The following GPC5 variants were observed in gnomAD, a reference collection of about 807,000 sequenced individuals.
The protein encoded by GPC5 is glypican-5.
In GPC5, 47 loss-of-function variants were observed where a neutral mutation model predicts 53.9. The ratio of observed to expected loss-of-function variants is 0.87; its 90% CI spans 0.69 to 1.11. GPC5 has a LOEUF of 1.11. GPC5 is among the 50% of genes most tolerant of loss of function. The probability of loss-of-function intolerance (pLI) is 0.00; values close to 1 mark genes in which losing one functional copy is unlikely to be tolerated. For synonymous variants in GPC5, 286 were observed against 263.3 expected, an observed-to-expected ratio of 1.09 and a Z score of -0.84; for missense variants, 748 against 713.1, an observed-to-expected ratio of 1.05 and a Z score of -0.56.
chr13:92,092,193 A>G (rs1371523801), intron 6 of GPC5, among the ~76,000 whole-genome samples: 1 of 152,158 alleles, frequency 6.6e-6, no homozygotes. Context: ...CTCTCTGCAT[A>G]CCTCTTATGC....
chr13:91,579,070 T>A (rs141852300), intron 2 of GPC5, among the ~76,000 whole-genome samples: 1 of 152,062 alleles, frequency 6.6e-6, no homozygotes, highest in African/African-American at 2.4e-5. Flanking sequence ...AATTAATAAA[T>A]TTTAAAGGTT....
chr13:92,837,335 T>G (rs1276497941), intron 7 of GPC5, among the ~76,000 whole-genome samples: 2 of 152,080 alleles, frequency 1.3e-5, no homozygotes, highest in African/African-American at 2.4e-5. Flanking sequence ...GAAATCAAAT[T>G]AGCAAGCACC....
chr13:92,753,937 C>A (rs1451543440), intron 7 of GPC5, among the ~76,000 whole-genome samples: 1 of 152,156 alleles, frequency 6.6e-6, no homozygotes, highest in African/African-American at 2.4e-5. Flanking sequence ...CTTCCCCAAT[C>A]TAGCAAGCAG....
intron 7 of GPC5, among the ~76,000 whole-genome samples, chr13:92,830,036 AC>A (rs1257916731): frequency 6.6e-6 from 1 of 152,146 alleles, no homozygotes; most frequent in East Asian, 1.9e-4. Flanking sequence ...AATGTCAAAA[AC>A]AAGTCAAGAA....
intron 7 of GPC5, among the ~76,000 whole-genome samples, chr13:92,146,547 G>A (rs1391102345): frequency 6.6e-6 from 1 of 152,046 alleles, no homozygotes; most frequent in East Asian, 1.9e-4. Flanking sequence ...GGGAAAACAG[G>A]TAATGTTTGG....
At chr13:91,499,458 A>G (rs749317784) in intron 2 of GPC5, among the ~76,000 whole-genome samples, 1 of 152,220 alleles carries the variant, frequency 6.6e-6, no homozygotes, top group Non-Finnish European at 1.5e-5. Context: ...TAATTCTCCA[A>G]ATACATCTTA....
chr13:92,847,047 T>C (rs755145221), intron 7 of GPC5, among the ~76,000 whole-genome samples: 15 of 152,104 alleles, frequency 9.9e-5, no homozygotes, highest in Non-Finnish European at 1.6e-4. Flanking sequence ...TCTTATTCCA[T>C]TGTGTAGTAT....
chr13:92,303,138 C>G (rs969149018), intron 7 of GPC5, among the ~76,000 whole-genome samples: 4 of 151,730 alleles, frequency 2.6e-5, no homozygotes, highest in Non-Finnish European at 5.9e-5. Flanking sequence ...TGTACAGGTA[C>G]CAGAATAGGT....
intron 2 of GPC5, among the ~76,000 whole-genome samples, chr13:91,563,470 T>C (rs2031380313): frequency 6.6e-6 from 1 of 152,184 alleles, no homozygotes; most frequent in Non-Finnish European, 1.5e-5. Flanking sequence ...ACATTTCATA[T>C]CTTAGACATC....
At chr13:91,936,206 C>A (rs1203193220) in intron 6 of GPC5, among the ~76,000 whole-genome samples, 1 of 152,008 alleles carries the variant, frequency 6.6e-6, no homozygotes, top group Non-Finnish European at 1.5e-5. Context: ...AACCAATAAA[C>A]CTAGGTCACA....
chr13:92,522,102 A>G (rs1157305628), intron 7 of GPC5, among the ~76,000 whole-genome samples: 2 of 152,184 alleles, frequency 1.3e-5, no homozygotes, highest in Non-Finnish European at 2.9e-5. Context: ...GGCGATCGTT[A>G]AAAAGTCAGG....
At chr13:91,438,830 C>A (rs530098945) in intron 1 of GPC5, among the ~76,000 whole-genome samples, 1 of 152,362 alleles carries the variant, frequency 6.6e-6, no homozygotes. Context: ...TCCCAGGCCA[C>A]TTTGTTTACC....
intron 2 of GPC5, among the ~76,000 whole-genome samples, chr13:91,653,791 AC>A (rs1188143665): frequency 6.6e-6 from 1 of 152,152 alleles, no homozygotes; most frequent in Non-Finnish European, 1.5e-5. Flanking sequence ...AGAATTTTTA[AC>A]AGCTTTCAGG....
chr13:92,586,369 A>G (rs1041056192), intron 7 of GPC5, among the ~76,000 whole-genome samples: 74 of 152,360 alleles, frequency 4.9e-4, no homozygotes, highest in African/African-American at 1.8e-3. Context: ...AGTACCCACA[A>G]TATGAACAGA....
intron 7 of GPC5, among the ~76,000 whole-genome samples, chr13:92,618,702 A>AG (rs1395702605): frequency 6.6e-6 from 1 of 151,692 alleles, no homozygotes; most frequent in Non-Finnish European, 1.5e-5. Context: ...AAAAAAAAAA[A>AG]AAGCACTGTG....
intron 7 of GPC5, among the ~76,000 whole-genome samples, chr13:92,211,988 A>C (rs921908619): frequency 6.6e-6 from 1 of 151,088 alleles, no homozygotes; most frequent in South Asian, 2.1e-4. Context: ...CAAATCCCCA[A>C]TGTGTTGGTA....
intron 2 of GPC5, among the ~76,000 whole-genome samples, chr13:91,536,453 A>C (rs1183698280): frequency 6.6e-6 from 1 of 152,148 alleles, no homozygotes; most frequent in Non-Finnish European, 1.5e-5. Context: ...TTCCCCAATA[A>C]TTGCCATTAT....
intron 3 of GPC5, among the ~76,000 whole-genome samples, chr13:91,716,713 G>A (rs1170180056): frequency 6.6e-6 from 1 of 152,160 alleles, no homozygotes; most frequent in African/African-American, 2.4e-5. Context: ...AATGTGCGTG[G>A]AATGTTATAG....
intron 2 of GPC5, among the ~76,000 whole-genome samples, chr13:91,690,675 A>C (rs2035738829): frequency 6.6e-6 from 1 of 152,242 alleles, no homozygotes; most frequent in Non-Finnish European, 1.5e-5. Context: ...GAAATTTATA[A>C]AGAAATATTT....
Sources: allele counts gnomAD v4.1 joint callset (sites outside exome capture counted in the v4.1 genomes callset), GRCh38; gene constraint gnomAD v4.1.1; transcripts MANE v1.5; gene names NCBI Gene and HGNC (gene_info 2026-07-23, HGNC 2026-07-21).